Variants in ZFAND3 observed in about 807,000 individuals in gnomAD.
ZFAND3 encodes the protein zinc finger AN1-type containing 3, also known as AN1-type zinc finger protein 3.
A neutral mutation model predicts 29.6 loss-of-function variants in ZFAND3; 10 were observed. The observed-to-expected ratio is 0.34, with a 90% CI of 0.21 to 0.57. The LOEUF (loss-of-function observed/expected upper bound fraction) is 0.57, where lower values mean the gene tolerates loss of function less well. ZFAND3 is among the 20% of genes least tolerant of loss of function. ZFAND3 has a pLI of 0.86. For missense variants in ZFAND3, 230 were observed against 304.5 expected, an observed-to-expected ratio of 0.76 and a Z score of 1.82; for synonymous variants, 128 against 112.6, an observed-to-expected ratio of 1.14 and a Z score of -0.87.
chr6:37,937,980 C>A (rs1025957688), intron 2 of ZFAND3, among the ~76,000 whole-genome samples: 4 of 152,084 alleles, frequency 2.6e-5, no homozygotes, highest in Non-Finnish European at 5.9e-5. Flanking sequence ...TAATGTTTTG[C>A]CTTTTTTCTT....
chr6:37,863,971 A>G (rs1305095738), intron 1 of ZFAND3, among the ~76,000 whole-genome samples: 1 of 151,966 alleles, frequency 6.6e-6, no homozygotes, highest in African/African-American at 2.4e-5. Context: ...ACTAGTGACA[A>G]ACAGTGGCTG....
chr6:38,102,739 A>T (rs1765118386), intron 4 of ZFAND3, among the ~76,000 whole-genome samples: 1 of 152,132 alleles, frequency 6.6e-6, no homozygotes, highest in Admixed American at 6.5e-5. Context: ...CTTACTCTGT[A>T]TTTCTAGAAA....
intron 5 of ZFAND3, among the ~76,000 whole-genome samples, chr6:38,120,427 G>C (rs1765511542): frequency 7.5e-6 from 1 of 134,104 alleles, no homozygotes. Context: ...CCAGGTTCAA[G>C]CAATTCTCCT....
chr6:38,081,936 C>T (rs1374179127), intron 3 of ZFAND3, among the ~76,000 whole-genome samples: 1 of 151,962 alleles, frequency 6.6e-6, no homozygotes, highest in Non-Finnish European at 1.5e-5. Flanking sequence ...CTTAAGGCCC[C>T]CTCCCCTTAT....
intron 5 of ZFAND3, among the ~76,000 whole-genome samples, chr6:38,123,792 T>C (rs1227740874): frequency 1.3e-5 from 2 of 152,186 alleles, no homozygotes; most frequent in Non-Finnish European, 2.9e-5. Flanking sequence ...TTCTTCCTTC[T>C]GGTGGGTTCT....
Position 38,116,551 on chromosome 6 carries a change from C to T in ZFAND3, c.362-21C>T, listed in dbSNP as rs759339955. 1.9e-6 allele frequency: 3 copies of T among 1,594,004 alleles called. No individual in the cohort carries two copies. In the African/African-American group the frequency reaches 4.0e-5, roughly 21 times the overall value. On this transcript the variant is annotated intron_variant, in intron 4 of 5. Transcript: ENST00000287218. The stretch of plus-strand genomic sequence containing the variant: ...CAGGCCAGGCACTAATCCTGATCCC[C>T]AAATATGTTGTTTTGGTCAGATTCA...
rs1329969005 is a variant in ZFAND3 at position 37,912,932 on chromosome 6, A to C, written c.72-17027A>C. Reference sequence around the variant, plus strand: ...AGTTACACAAATTTTTTGGTTTCCGAGTACATATAAAAGTTATGTTTATAC... The same window carrying C: ...AGTTACACAAATTTTTTGGTTTCCGCGTACATATAAAAGTTATGTTTATAC... On this transcript the variant is annotated intron_variant, in intron 1 of 5. Coordinates refer to ENST00000287218, the MANE Select transcript of ZFAND3 (RefSeq NM_021943.3). Among the ~76,000 whole-genome samples, 3 of 152,354 alleles carry C rather than the reference A, an allele frequency of 2.0e-5. No individual in the cohort carries two copies. In the East Asian group the frequency reaches 5.8e-4, roughly 29 times the overall value.
intron 1 of ZFAND3, among the ~76,000 whole-genome samples, chr6:37,838,296 T>A (rs1247280579): frequency 6.6e-6 from 1 of 152,202 alleles, no homozygotes; most frequent in African/African-American, 2.4e-5. Flanking sequence ...TTGCTTAATT[T>A]AAAAAATATT....
chr6:38,069,452 G>A (rs1442097734), intron 3 of ZFAND3, among the ~76,000 whole-genome samples: 1 of 152,108 alleles, frequency 6.6e-6, no homozygotes, highest in East Asian at 1.9e-4. Flanking sequence ...GTCTCAAAGT[G>A]GAAGATTCTT....
chr6:37,990,886 A>G (rs1229731971), intron 2 of ZFAND3, among the ~76,000 whole-genome samples: 2 of 152,166 alleles, frequency 1.3e-5, no homozygotes, highest in Non-Finnish European at 2.9e-5. Flanking sequence ...TAGTCTAATT[A>G]GTTATAGACG....
intron 1 of ZFAND3, among the ~76,000 whole-genome samples, chr6:37,914,672 C>CTTTTTTTTTTTTTTTTTTTTT (rs71542148): frequency 2.2e-4 from 25 of 114,212 alleles, no homozygotes; most frequent in African/African-American, 4.6e-4. Context: ...CTTTTTTTTT[C>CTTTTTTTTTTTTTTTTTTTTT]TTTTTTTTTT....
intron 1 of ZFAND3, among the ~76,000 whole-genome samples, chr6:37,873,112 C>CAAAA (rs1764725279): frequency 7.1e-6 from 1 of 141,808 alleles, no homozygotes; most frequent in Non-Finnish European, 1.6e-5. Flanking sequence ...AAAAAAAACC[C>CAAAA]CCCAAAAAAT....
At chr6:38,095,013 A>G (rs1168140275) in intron 4 of ZFAND3, among the ~76,000 whole-genome samples, 1 of 152,206 alleles carries the variant, frequency 6.6e-6, no homozygotes, top group Non-Finnish European at 1.5e-5. Context: ...CTCAACCTGT[A>G]TTTACAGTCA....
chr6:38,100,438 T>G (rs970458801), intron 4 of ZFAND3, among the ~76,000 whole-genome samples: 2 of 152,204 alleles, frequency 1.3e-5, no homozygotes, highest in African/African-American at 4.8e-5. Flanking sequence ...GCCATTGCAG[T>G]AATTAATGCA....
At chr6:37,881,664 G>C (rs1383002599) in intron 1 of ZFAND3, among the ~76,000 whole-genome samples, 1 of 152,126 alleles carries the variant, frequency 6.6e-6, no homozygotes, top group Non-Finnish European at 1.5e-5. Flanking sequence ...GCTATATAGG[G>C]TTTTGAACAT....
At chr6:38,061,060 A>T (rs1764228103) in intron 2 of ZFAND3, among the ~76,000 whole-genome samples, 1 of 152,072 alleles carries the variant, frequency 6.6e-6, no homozygotes, top group Non-Finnish European at 1.5e-5. Context: ...TCTCATATTT[A>T]TGTTTTTAGT....
intron 2 of ZFAND3, among the ~76,000 whole-genome samples, chr6:37,999,925 C>T (rs1028045822): frequency 6.6e-6 from 1 of 152,050 alleles, no homozygotes; most frequent in African/African-American, 2.4e-5. Context: ...AAATTGGCTC[C>T]TGAGTATATG....
At chr6:37,919,347 A>G (rs1388949173) in intron 1 of ZFAND3, among the ~76,000 whole-genome samples, 1 of 152,236 alleles carries the variant, frequency 6.6e-6, no homozygotes, top group East Asian at 1.9e-4. Context: ...TAATTTGTAT[A>G]TGCTCGTAAT....
intron 1 of ZFAND3, among the ~76,000 whole-genome samples, chr6:37,863,441 A>C (rs973694400): frequency 1.4e-4 from 22 of 152,208 alleles, no homozygotes; most frequent in Admixed American, 6.5e-5. Context: ...CAGGTAGTTT[A>C]AACTGTAATT....
Sources: allele counts gnomAD v4.1 joint callset (sites outside exome capture counted in the v4.1 genomes callset), GRCh38; gene constraint gnomAD v4.1.1; transcripts MANE v1.5; gene names NCBI Gene and HGNC (gene_info 2026-07-23, HGNC 2026-07-21).